The following ARHGAP28 variants were observed in gnomAD, a reference collection of about 807,000 sequenced individuals.
ARHGAP28 encodes the protein Rho GTPase activating protein 28, also known as rho GTPase-activating protein 28.
In ARHGAP28, 56 loss-of-function variants were observed where a neutral mutation model predicts 90.7. The observed-to-expected ratio is 0.62, with a 90% confidence interval of 0.50 to 0.77. The LOEUF is 0.77. Among genes scored for constraint, ARHGAP28 ranks in the 30% least tolerant of loss-of-function variants. The probability of loss-of-function intolerance (pLI) is 0.00; values close to 1 mark genes in which losing one functional copy is unlikely to be tolerated. For synonymous variants in ARHGAP28, 308 were observed against 323.3 expected (o/e 0.95, Z 0.51); for missense variants, 869 against 900.9 (o/e 0.96, Z 0.45).
rs1339755050 is a variant in ARHGAP28, at chr18:6,904,104, T to C, written c.2031-4856T>C. 2.0e-5 allele frequency among the ~76,000 whole-genome samples: 3 copies of C among 151,942 alleles called. No homozygotes were observed. In the East Asian group the frequency reaches 5.9e-4, roughly 30 times the overall value. On this transcript the variant is annotated intron_variant, in intron 16 of 17. Coordinates refer to ENST00000383472, the MANE Select transcript of ARHGAP28 (RefSeq NM_001366230.1). ...AAAGTAAAACTGTAACATATAAAATTATGTGATGGCTGGACACAGTGGCTC... is the reference window on the plus strand; with the variant it reads ...AAAGTAAAACTGTAACATATAAAATCATGTGATGGCTGGACACAGTGGCTC...
At chr18:6,873,976 C>A (rs1185254897) in intron 9 of ARHGAP28, among the ~76,000 whole-genome samples, 2 of 152,330 alleles carry the variant, frequency 1.3e-5, no homozygotes, top group East Asian at 3.9e-4. Flanking sequence ...TTGCTGCATT[C>A]TTTTGGAGCC....
chr18:6,784,649 G>T (rs1250073636), intron 1 of ARHGAP28, among the ~76,000 whole-genome samples: 1 of 152,186 alleles, frequency 6.6e-6, no homozygotes, highest in Non-Finnish European at 1.5e-5. Context: ...AAGGGATGAA[G>T]ACATGATCAT....
chr18:6,877,800 A>G (rs753087410), intron 10 of ARHGAP28, among the ~76,000 whole-genome samples: 4 of 152,222 alleles, frequency 2.6e-5, no homozygotes, highest in Admixed American at 6.5e-5. Flanking sequence ...GATGAAAACC[A>G]TTACTTATTT....
At chr18:6,886,609 T>C (rs1409786918) in intron 11 of ARHGAP28, among the ~76,000 whole-genome samples, 3 of 152,222 alleles carry the variant, frequency 2.0e-5, no homozygotes, top group African/African-American at 7.2e-5. Context: ...TCTACATGTA[T>C]TAACTCATTT....
chr18:6,772,798 G>A (rs1041361997), intron 1 of ARHGAP28, among the ~76,000 whole-genome samples: 7 of 151,874 alleles, frequency 4.6e-5, no homozygotes, highest in Non-Finnish European at 7.4e-5. Context: ...GCAATGGCAC[G>A]GTCTCGGCTC....
At chr18:6,778,045 A>C (rs2056298639) in intron 1 of ARHGAP28, among the ~76,000 whole-genome samples, 1 of 152,142 alleles carries the variant, frequency 6.6e-6, no homozygotes. Context: ...CAAAGCCATT[A>C]GCTCTTGGTT....
intron 14 of ARHGAP28, among the ~76,000 whole-genome samples, chr18:6,891,118 G>A (rs1028353861): frequency 1.3e-5 from 2 of 152,190 alleles, no homozygotes; most frequent in African/African-American, 4.8e-5. Flanking sequence ...ACCTTGAGGA[G>A]GATGTGGAGA....
chr18:6,869,578 A>G (rs1160184671), intron 6 of ARHGAP28, among the ~76,000 whole-genome samples: 1 of 151,954 alleles, frequency 6.6e-6, no homozygotes, highest in Non-Finnish European at 1.5e-5. Flanking sequence ...GCTATTTTCT[A>G]AGTTCTCGCT....
chr18:6,758,295 T>G (rs1360241888), intron 1 of ARHGAP28, among the ~76,000 whole-genome samples: 1 of 151,358 alleles, frequency 6.6e-6, no homozygotes, highest in Non-Finnish European at 1.5e-5. Flanking sequence ...CTTTTTTGCT[T>G]CGGTTTAGGG....
intron 16 of ARHGAP28, among the ~76,000 whole-genome samples, chr18:6,903,506 A>C (rs1355157412): frequency 6.6e-6 from 1 of 152,152 alleles, no homozygotes; most frequent in Non-Finnish European, 1.5e-5. Flanking sequence ...AAAGCAATAT[A>C]CTCAAAAATT....
At chr18:6,775,996 A>C (rs562611510) in intron 1 of ARHGAP28, among the ~76,000 whole-genome samples, 1 of 152,330 alleles carries the variant, frequency 6.6e-6, no homozygotes, top group South Asian at 2.1e-4. Context: ...GGGAAAAAAC[A>C]TTGGGAAAAT....
At chr18:6,879,939 G>A (rs966069200) in intron 10 of ARHGAP28, among the ~76,000 whole-genome samples, 2 of 152,168 alleles carry the variant, frequency 1.3e-5, no homozygotes, top group Admixed American at 1.3e-4. Context: ...CCTTGACCCT[G>A]GTGCCCTGTT....
chr18:6,867,537 T>C (rs1050054087), intron 5 of ARHGAP28, among the ~76,000 whole-genome samples: 12 of 152,296 alleles, frequency 7.9e-5, no homozygotes, highest in African/African-American at 2.9e-4. Flanking sequence ...CCAGGATAGG[T>C]ACTCAACTTC....
intron 16 of ARHGAP28, chr18:6,896,844 G>A: frequency 2.1e-6 from 1 of 475,838 alleles, no homozygotes; most frequent in Non-Finnish European, 3.7e-6. Flanking sequence ...CTAGAAATGG[G>A]ATTCTTAATA....
chr18:6,873,283 C>T (rs1368226575), intron 7 of ARHGAP28, 126 bp from the exon 8 acceptor site: 1 of 754,922 alleles, frequency 1.3e-6, no homozygotes, highest in Non-Finnish European at 2.2e-6. Context: ...GCAGCATGCT[C>T]CTTAGAGATG....
chr18:6,813,294 T>G (rs926424954), intron 1 of ARHGAP28, among the ~76,000 whole-genome samples: 1 of 152,198 alleles, frequency 6.6e-6, no homozygotes, highest in Non-Finnish European at 1.5e-5. Flanking sequence ...TGTTTAATAG[T>G]GAATAGTGCT....
chr18:6,742,524 G>T (rs1039644302), intron 1 of ARHGAP28, among the ~76,000 whole-genome samples: 1 of 152,132 alleles, frequency 6.6e-6, no homozygotes, highest in Non-Finnish European at 1.5e-5. Flanking sequence ...AATTGTGGTG[G>T]ATGAGCAGAT....
chr18:6,833,994 G>GT, intron 2 of ARHGAP28, among the ~76,000 whole-genome samples: 1 of 152,184 alleles, frequency 6.6e-6, no homozygotes, highest in East Asian at 1.9e-4. Flanking sequence ...GCTGAAAGCT[G>GT]TTTTTAACTA....
Position 6,873,735 on chromosome 18 carries a change from A to T in ARHGAP28, c.1172A>T (p.Lys391Met), listed in dbSNP as rs769582556. ...ACAGTCCTCCTGGACGGTGACCGAA[A>T]GAAAGACCCTGGAGTGAAAGTTCCC... The part of the protein sequence containing the change: ...PLTVLLDGDR[K>M]KDPGVKVPLV... Residue 391 changes from lysine to methionine, a missense_variant, in exon 9 of 18, where the codon AAG becomes ATG. By Grantham distance (95) the Lys-to-Met change is moderately conservative. Coordinates refer to ENST00000383472, the MANE Select transcript of ARHGAP28 (RefSeq NM_001366230.1). The T allele has an allele frequency of 1.7e-5, 28 of 1,614,130 alleles. No individual in the cohort carries two copies. In the South Asian group the frequency reaches 2.5e-4, roughly 15 times the overall value.
Sources: gnomAD v4.1 joint callset for allele counts (sites outside exome capture counted in the v4.1 genomes callset) on GRCh38, gnomAD v4.1.1 for gene constraint, MANE v1.5 for transcripts, NCBI Gene and HGNC (gene_info 2026-07-23, HGNC 2026-07-21) for gene names.